The following WWTR1 variants were observed in gnomAD, a reference collection of about 807,000 sequenced individuals.
WWTR1 encodes WW domain containing transcription regulator 1.
In WWTR1, 13 loss-of-function variants were observed where a neutral mutation model predicts 40.1. That is an observed-to-expected ratio of 0.32 (90% CI 0.21 to 0.52). WWTR1 has a LOEUF of 0.52. WWTR1 is among the 20% of genes least tolerant of loss of function. WWTR1 has a pLI of 0.97. For missense variants in WWTR1, 436 were observed against 523.1 expected (o/e 0.83, Z 1.63); for synonymous variants, 230 against 210.1 (o/e 1.09, Z -0.82).
chr3:149,595,013 G>A (rs1738927039), intron 2 of WWTR1, among the ~76,000 whole-genome samples: 1 of 127,594 alleles, frequency 7.8e-6, no homozygotes, highest in African/African-American at 3.0e-5. Context: ...CCAGGCTGGA[G>A]TGCAGTGGCG....
At chr3:149,646,111 T>G (rs1373451281) in intron 2 of WWTR1, among the ~76,000 whole-genome samples, 1 of 152,208 alleles carries the variant, frequency 6.6e-6, no homozygotes, top group East Asian at 1.9e-4. Context: ...TATGATTAAT[T>G]GGTTGATGCA....
At chr3:149,540,866 G>C (rs1736063235) in intron 4 of WWTR1, 1 of 320,746 alleles carries the variant, frequency 3.1e-6, no homozygotes, top group African/African-American at 2.2e-5. Flanking sequence ...TCTGAGAAAT[G>C]ATTTTAATTT....
chr3:149,538,156 G>A (rs1735918340), intron 4 of WWTR1, among the ~76,000 whole-genome samples: 1 of 152,124 alleles, frequency 6.6e-6, no homozygotes, highest in Non-Finnish European at 1.5e-5. Context: ...CTGACCTCAA[G>A]TGATCTGCCC....
At chr3:149,578,753 CA>C (rs1052129444) in intron 2 of WWTR1, among the ~76,000 whole-genome samples, 4 of 152,060 alleles carry the variant, frequency 2.6e-5, no homozygotes, top group Non-Finnish European at 4.4e-5. Flanking sequence ...CAAAATTAGA[CA>C]GGCATGGTGG....
chr3:149,541,091 G>A (rs1358964871), intron 4 of WWTR1: 1 of 453,948 alleles, frequency 2.2e-6, no homozygotes, highest in Admixed American at 2.4e-5. Flanking sequence ...TTTCTCTAAA[G>A]TAGCAAAAGG....
At chr3:149,557,109 C>T (rs1345153536) in intron 3 of WWTR1, among the ~76,000 whole-genome samples, 3 of 116,454 alleles carry the variant, frequency 2.6e-5, no homozygotes, top group African/African-American at 9.9e-5. Context: ...TTCACTCTGT[C>T]ACCCAGGCTG....
At chr3:149,537,974 C>T (rs1378880468) in intron 4 of WWTR1, among the ~76,000 whole-genome samples, 1 of 151,772 alleles carries the variant, frequency 6.6e-6, no homozygotes, top group Non-Finnish European at 1.5e-5. Context: ...GGCTGGAGTG[C>T]AGTGGCTCGA....
intron 2 of WWTR1, among the ~76,000 whole-genome samples, chr3:149,639,993 C>CAAAAAA (rs1215330406): frequency 1.7e-4 from 13 of 76,124 alleles, no homozygotes; most frequent in Admixed American, 3.7e-4. Context: ...GACTCCGTCT[C>CAAAAAA]AAAAAAAAAA....
chr3:149,653,895 A>C (rs942535137), intron 2 of WWTR1, among the ~76,000 whole-genome samples: 37 of 152,122 alleles, frequency 2.4e-4, no homozygotes, highest in Non-Finnish European at 4.9e-4. Context: ...AACTAAACTA[A>C]ACAAAATTGA....
intron 3 of WWTR1, among the ~76,000 whole-genome samples, chr3:149,565,174 A>G (rs1351423080): frequency 2.0e-5 from 3 of 152,154 alleles, no homozygotes; most frequent in Non-Finnish European, 4.4e-5. Context: ...GCAACGGACC[A>G]AGATTGCATC....
intron 1 of WWTR1, among the ~76,000 whole-genome samples, chr3:149,676,668 G>T (rs6764160): frequency 6.6e-6 from 1 of 151,552 alleles, no homozygotes; most frequent in Non-Finnish European, 1.5e-5. Context: ...TTGCCCATGC[G>T]CACAGTTAGC....
chr3:149,722,206 T>C (rs1715771661), intron 4 of WWTR1, among the ~76,000 whole-genome samples: 1 of 152,072 alleles, frequency 6.6e-6, no homozygotes, highest in Admixed American at 6.5e-5. Flanking sequence ...ATTCTTCTAT[T>C]ATTTTCCTCT....
upstream of WWTR1, chr3:149,661,043 C>T (rs1439000021): frequency 6.6e-6 from 1 of 152,220 alleles, no homozygotes; most frequent in African/African-American, 2.4e-5. Flanking sequence ...AGTTGTGCCA[C>T]TTCCCTGCCT....
Position 149,710,567 on chromosome 3 carries a change from G to GCC in WWTR1, n.584+6873_584+6874dup, listed in dbSNP as rs1268882455. Among the ~76,000 whole-genome samples the GCC allele has an allele frequency of 1.7e-3, 51 of 30,296 alleles. 1 individual carries two copies. The highest frequency in any genetic ancestry group is 3.3e-3 in the South Asian group (2 of 612). The allele number at this position is 30,296 out of a possible 152,430, so 19.9% of individuals were successfully genotyped here. On this transcript the variant is annotated intron_variant and non_coding_transcript_variant, in intron 5 of 6. Transcript: ENST00000474080. ...CTTATAAAACATTATCATTATCCCC[G>GCC]CCTCCCCCCCCCCCCTTTTTTTTTT...
chr3:149,673,423 C>T (rs1714159433), intron 1 of WWTR1, among the ~76,000 whole-genome samples: 2 of 152,064 alleles, frequency 1.3e-5, no homozygotes, highest in Admixed American at 1.3e-4. Flanking sequence ...CCTCAGAAAA[C>T]ATTCCATTTA....
At chr3:149,535,709 T>TA (rs35300491) in intron 4 of WWTR1, among the ~76,000 whole-genome samples, 89,321 of 143,518 alleles carry the variant, frequency 0.62, 28,745 homozygotes, top group South Asian at 0.74. Flanking sequence ...TGTCTTCACT[T>TA]AAAAAAAAAA....
chr3:149,663,174 A>C (rs1713656840), intron 2 of WWTR1, among the ~76,000 whole-genome samples: 1 of 152,048 alleles, frequency 6.6e-6, no homozygotes. Context: ...CTGGGATTAC[A>C]GGTGCCCGCC....
At chr3:149,659,467 G>C (rs1713471558), upstream of WWTR1, 1 of 150,418 alleles carries the variant, frequency 6.6e-6, no homozygotes, top group Admixed American at 6.7e-5. Flanking sequence ...CAAGTAGCTA[G>C]GATTAAGACG....
chr3:149,557,463 C>T (rs1736882963), intron 3 of WWTR1, among the ~76,000 whole-genome samples: 1 of 152,148 alleles, frequency 6.6e-6, no homozygotes, highest in Non-Finnish European at 1.5e-5. Context: ...CCTCTTACAT[C>T]TCTGTGTCTA....
Sources: gnomAD v4.1 joint callset for allele counts (sites outside exome capture counted in the v4.1 genomes callset) on GRCh38, gnomAD v4.1.1 for gene constraint, MANE v1.5 for transcripts, NCBI Gene and HGNC (gene_info 2026-07-23, HGNC 2026-07-21) for gene names.